Variants in OPCML observed in about 807,000 individuals in gnomAD.
The protein encoded by OPCML is opioid binding protein/cell adhesion molecule like.
OPCML carries 13 observed loss-of-function variants against 37.8 expected under a neutral mutation model. The observed-to-expected ratio is 0.34, with a 90% CI of 0.22 to 0.55. The LOEUF is 0.55. OPCML is among the 20% of genes least tolerant of loss of function. The probability of loss-of-function intolerance (pLI) is 0.91; values close to 1 mark genes in which losing one functional copy is unlikely to be tolerated. For synonymous variants in OPCML, 176 were observed against 168.8 expected (o/e 1.04, Z -0.33); for missense variants, 341 against 435.6 (o/e 0.78, Z 1.93).
chr11:133,276,065 G>A (rs1366214345), intron 1 of OPCML, among the ~76,000 whole-genome samples: 4 of 152,098 alleles, frequency 2.6e-5, no homozygotes, highest in African/African-American at 9.7e-5. Context: ...CCTAGATTCA[G>A]TATAAAAAAT....
chr11:133,196,728 C>G (rs534510917), intron 1 of OPCML, among the ~76,000 whole-genome samples: 1 of 152,266 alleles, frequency 6.6e-6, no homozygotes, highest in African/African-American at 2.4e-5. Flanking sequence ...TACAGCAAGT[C>G]AAAGAAAGAC....
chr11:132,755,856 T>C (rs1326410386), intron 2 of OPCML, among the ~76,000 whole-genome samples: 2 of 152,222 alleles, frequency 1.3e-5, no homozygotes, highest in African/African-American at 4.8e-5. Context: ...GTGTGGCTAA[T>C]GCTGGTGAGG....
intron 1 of OPCML, among the ~76,000 whole-genome samples, chr11:133,501,294 C>T (rs1240343326): frequency 1.3e-5 from 2 of 152,162 alleles, no homozygotes; most frequent in African/African-American, 4.8e-5. Context: ...GGGACCCCCC[C>T]ACGGTACAGT....
chr11:133,133,680 C>T (rs1949638486), intron 1 of OPCML, among the ~76,000 whole-genome samples: 1 of 152,152 alleles, frequency 6.6e-6, no homozygotes, highest in Non-Finnish European at 1.5e-5. Flanking sequence ...CCCCTGCTGC[C>T]ATGCTGTTTC....
intron 1 of OPCML, among the ~76,000 whole-genome samples, chr11:133,128,218 G>C (rs12796181): frequency 0.097 from 14,733 of 152,138 alleles, 817 homozygotes; most frequent in African/African-American, 0.14. Context: ...AGTGCCAAAT[G>C]CATTGGCAGC....
intron 1 of OPCML, among the ~76,000 whole-genome samples, chr11:133,425,988 T>G (rs1945994737): frequency 6.6e-6 from 1 of 152,216 alleles, no homozygotes; most frequent in Non-Finnish European, 1.5e-5. Context: ...CAATTTGTGC[T>G]AGGAAGTTGA....
chr11:132,699,364 A>G (rs1170956810), intron 2 of OPCML, among the ~76,000 whole-genome samples: 1 of 152,076 alleles, frequency 6.6e-6, no homozygotes, highest in Non-Finnish European at 1.5e-5. Context: ...CTAATTGTTC[A>G]GGCTAAGACT....
chr11:132,766,161 A>C (rs1044402814), intron 2 of OPCML, among the ~76,000 whole-genome samples: 1 of 152,170 alleles, frequency 6.6e-6, no homozygotes, highest in African/African-American at 2.4e-5. Context: ...AAATATGTCA[A>C]CTAATAACTA....
At chr11:132,858,447 G>A (rs1026151620) in intron 2 of OPCML, among the ~76,000 whole-genome samples, 4 of 152,184 alleles carry the variant, frequency 2.6e-5, no homozygotes, top group Admixed American at 2.6e-4. Context: ...AGATGCCTTT[G>A]ACAATGATAC....
At chr11:132,644,543 A>C (rs1221344988) in intron 3 of OPCML, among the ~76,000 whole-genome samples, 3 of 152,244 alleles carry the variant, frequency 2.0e-5, no homozygotes, top group Non-Finnish European at 2.9e-5. Context: ...ACAAATATCT[A>C]TTACAACGAT....
At chr11:132,952,707 C>A (rs560243395) in intron 1 of OPCML, among the ~76,000 whole-genome samples, 1 of 152,068 alleles carries the variant, frequency 6.6e-6, no homozygotes, top group Non-Finnish European at 1.5e-5. Context: ...CCAAGCAGGG[C>A]GATCCTCTGA....
intron 1 of OPCML, among the ~76,000 whole-genome samples, chr11:133,097,678 A>G (rs577716716): frequency 6.6e-6 from 1 of 152,324 alleles, no homozygotes; most frequent in Non-Finnish European, 1.5e-5. Flanking sequence ...CAGAAATGAA[A>G]GAAGGGACAT....
intron 3 of OPCML, among the ~76,000 whole-genome samples, chr11:132,568,448 C>A (rs539319453): frequency 6.6e-6 from 1 of 152,286 alleles, no homozygotes; most frequent in East Asian, 1.9e-4. Context: ...GAAACAGGGT[C>A]TTTGCAGACA....
At chr11:132,568,715 C>T (rs2096430325) in intron 3 of OPCML, among the ~76,000 whole-genome samples, 1 of 152,188 alleles carries the variant, frequency 6.6e-6, no homozygotes. Context: ...GACTTCTAGC[C>T]TTGACAACTG....
At chr11:132,740,088 G>C (rs549160112) in intron 2 of OPCML, among the ~76,000 whole-genome samples, 80 of 152,342 alleles carry the variant, frequency 5.3e-4, no homozygotes, top group African/African-American at 1.9e-3. Flanking sequence ...GCTTAGAAGA[G>C]TCAGAGGGTA....
intron 2 of OPCML, among the ~76,000 whole-genome samples, chr11:132,691,244 C>G (rs551999384): frequency 1.3e-5 from 2 of 152,162 alleles, no homozygotes; most frequent in Non-Finnish European, 2.9e-5. Context: ...TGGATGCATT[C>G]AATGGCAAGA....
chr11:132,935,617 C>G (rs933326272), intron 2 of OPCML, among the ~76,000 whole-genome samples: 2 of 152,198 alleles, frequency 1.3e-5, no homozygotes, highest in Admixed American at 6.5e-5. Flanking sequence ...AGACCTTCAG[C>G]ATCTCTTTGA....
chr11:132,540,216 T>C (rs1478841618), intron 3 of OPCML, among the ~76,000 whole-genome samples: 1 of 152,118 alleles, frequency 6.6e-6, no homozygotes, highest in Non-Finnish European at 1.5e-5. Context: ...GCAGGATATG[T>C]GGTTAGTGTC....
intron 1 of OPCML, among the ~76,000 whole-genome samples, chr11:133,498,087 C>T (rs1591567962): frequency 6.6e-6 from 1 of 152,338 alleles, no homozygotes; most frequent in East Asian, 1.9e-4. Context: ...AGCATCTCTG[C>T]ACCACCGGAG....
Sources: allele counts gnomAD v4.1 joint callset (sites outside exome capture counted in the v4.1 genomes callset), GRCh38; gene constraint gnomAD v4.1.1; transcripts MANE v1.5; gene names NCBI Gene and HGNC (gene_info 2026-07-23, HGNC 2026-07-21).